Variants in FBXL13 observed in about 807,000 individuals in gnomAD.
The protein encoded by FBXL13 is F-box and leucine rich repeat protein 13, also known as F-box and leucine-rich repeat protein 13.
In FBXL13, 67 loss-of-function variants were observed where a neutral mutation model predicts 83.6. The observed-to-expected ratio is 0.80, with a 90% confidence interval of 0.66 to 0.98. The LOEUF is 0.98. FBXL13 is among the 50% of genes least tolerant of loss of function. The pLI, the probability that FBXL13 is intolerant of heterozygous loss-of-function variation, is 0.00. For missense variants in FBXL13, 822 were observed against 866.5 expected (o/e 0.95, Z 0.64); for synonymous variants, 272 against 299.5 (o/e 0.91, Z 0.95).
intron 6 of FBXL13, among the ~76,000 whole-genome samples, chr7:102,990,884 C>A (rs971143011): frequency 6.6e-6 from 1 of 152,204 alleles, no homozygotes; most frequent in Non-Finnish European, 1.5e-5. Context: ...ATGGAGAATG[C>A]AGCTGAGAGG....
chr7:102,946,740 T>G (rs946073300), intron 8 of FBXL13, among the ~76,000 whole-genome samples: 5 of 152,068 alleles, frequency 3.3e-5, no homozygotes, highest in Non-Finnish European at 7.4e-5. Context: ...AGTGTTGCAA[T>G]CTCGGCTCAC....
intron 19 of FBXL13, among the ~76,000 whole-genome samples, chr7:102,821,659 C>A (rs1383419337): frequency 6.6e-6 from 1 of 152,170 alleles, no homozygotes; most frequent in Non-Finnish European, 1.5e-5. Context: ...AAAATACTTG[C>A]ACATTTTTGC....
rs376600642 is a variant in FBXL13 at position 103,040,891 on chromosome 7, C to T, written c.1-11473G>A. On this transcript the variant is annotated intron_variant, in intron 2 of 19. Coordinates refer to ENST00000313221, the Ensembl canonical transcript of FBXL13. ...AGAGAAAGCAGGAAAGATCTAAAATCGACACCCTAAAATCACAATTAAAAG... is the reference window on the plus strand; with the variant it reads ...AGAGAAAGCAGGAAAGATCTAAAATTGACACCCTAAAATCACAATTAAAAG... 3.9e-5 allele frequency among the ~76,000 whole-genome samples: 6 copies of T among 151,994 alleles called. No homozygotes were observed. In the South Asian group the frequency reaches 6.3e-4, roughly 16 times the overall value.
intron 6 of FBXL13, among the ~76,000 whole-genome samples, chr7:103,016,232 G>A (rs145092800): frequency 0.014 from 2,155 of 151,202 alleles, 48 homozygotes; most frequent in African/African-American, 0.048. Context: ...GAACAATGCT[G>A]GAGACATCAC....
At chr7:103,034,281 C>T (rs980922983) in intron 2 of FBXL13, among the ~76,000 whole-genome samples, 3 of 152,170 alleles carry the variant, frequency 2.0e-5, no homozygotes, top group African/African-American at 4.8e-5. Context: ...GACTGCGCAC[C>T]GTGGAGCGGG....
At chr7:102,952,842 G>A (rs977894273) in intron 8 of FBXL13, among the ~76,000 whole-genome samples, 10 of 152,176 alleles carry the variant, frequency 6.6e-5, no homozygotes, top group African/African-American at 2.2e-4. Context: ...AAATTAGCTG[G>A]GTGTGGTGGC....
intron 17 of FBXL13, among the ~76,000 whole-genome samples, chr7:102,834,090 G>GGAAGGAAGGAAAGA (rs60060071): frequency 2.1e-4 from 15 of 70,484 alleles, no homozygotes; most frequent in South Asian, 1.5e-3. Flanking sequence ...GGAAAGAAAA[G>GGAAGGAAGGAAAGA]AAAGAAAGAA....
chr7:102,956,920 C>T (rs183500046), intron 8 of FBXL13, among the ~76,000 whole-genome samples: 43 of 152,070 alleles, frequency 2.8e-4, no homozygotes, highest in African/African-American at 8.7e-4. Context: ...CCATGCTCAT[C>T]GATAAGAACA....
exon 2 of FBXL13, chr7:103,055,650 A>G: frequency 1.6e-6 from 2 of 1,248,114 alleles, no homozygotes; most frequent in Non-Finnish European, 2.1e-6. Flanking sequence ...TTACCAAAGA[A>G]GATTCTGAAG....
exon 20 of FBXL13, chr7:102,813,418 T>C (rs1469594253): frequency 3.1e-6 from 5 of 1,614,080 alleles, no homozygotes. Flanking sequence ...TGATGTTATG[T>C]TGTCAAGCTC....
Position 102,947,713 on chromosome 7 carries a change from T to G in FBXL13, c.725-15780A>C, listed in dbSNP as rs184947666. Among the ~76,000 whole-genome samples the G allele has an allele frequency of 1.2e-3, 189 of 152,184 alleles. 3 individuals are homozygous for G. Among genetic ancestry groups the G allele is most frequent in the Admixed American group, 6.9e-3 (105 of 15,276 alleles). ...TTACAAAAATCAGTATATTTTACAG[T>G]AGTAAAAAATACTACTATCCTGAGA... On this transcript the variant is annotated intron_variant, in intron 8 of 19. Transcript: ENST00000313221.
intron 19 of FBXL13, among the ~76,000 whole-genome samples, chr7:102,813,996 G>C (rs1224097381): frequency 6.6e-6 from 1 of 152,076 alleles, no homozygotes; most frequent in Non-Finnish European, 1.5e-5. Flanking sequence ...CTCCCTGAAA[G>C]TTCATGCAGT....
downstream of FBXL13, among the ~76,000 whole-genome samples, chr7:102,812,987 C>T (rs537791257): frequency 6.6e-5 from 10 of 151,930 alleles, no homozygotes; most frequent in South Asian, 4.2e-4. Context: ...GGATTACAGG[C>T]GCCCACCACC....
chr7:102,979,788 G>C (rs1827960083), intron 6 of FBXL13, among the ~76,000 whole-genome samples: 1 of 151,924 alleles, frequency 6.6e-6, no homozygotes, highest in South Asian at 2.1e-4. Flanking sequence ...TAACTAAAAA[G>C]GTGAAAGACT....
At chr7:102,868,039 T>A (rs981719425) in intron 16 of FBXL13, among the ~76,000 whole-genome samples, 2 of 152,072 alleles carry the variant, frequency 1.3e-5, no homozygotes, top group Admixed American at 1.3e-4. Context: ...TGACACAAAG[T>A]AATTGTGCTT....
At position 102,907,362 on chromosome 7, in the gene FBXL13, C is replaced by T. The variant is rs144712074; in HGVS notation, c.1008+5724G>A. On this transcript the variant is annotated intron_variant, in intron 11 of 19. Coordinates refer to ENST00000313221, the Ensembl canonical transcript of FBXL13. ...TACTTTAAGTTCTAGGGTACATGTG[C>T]ACCATGTGCAGGTTTGTTACATATG... 3.7e-3 allele frequency among the ~76,000 whole-genome samples: 568 copies of T among 152,098 alleles called. 5 individuals are homozygous for T. Among genetic ancestry groups the T allele is most frequent in the African/African-American group, 0.014 (561 of 41,488 alleles).
At chr7:103,069,075 C>T (rs1798672707) in intron 1 of FBXL13, among the ~76,000 whole-genome samples, 2 of 150,108 alleles carry the variant, frequency 1.3e-5, no homozygotes, top group South Asian at 2.1e-4. Context: ...TGCCCGGCCG[C>T]CCCACCACCT....
At chr7:102,964,408 T>A (rs199543678) in intron 7 of FBXL13, among the ~76,000 whole-genome samples, 58,346 of 121,852 alleles carry the variant, frequency 0.48, 13,986 homozygotes, top group Middle Eastern at 0.58. Flanking sequence ...ATATATATTT[T>A]TTTTTTTTTT....
intron 11 of FBXL13, among the ~76,000 whole-genome samples, chr7:102,894,738 A>G (rs1812045958): frequency 6.6e-6 from 1 of 151,716 alleles, no homozygotes; most frequent in Admixed American, 6.6e-5. Flanking sequence ...CTTAAAAAAA[A>G]AAAAAAAGAG....
Sources: gnomAD v4.1 joint callset for allele counts (sites outside exome capture counted in the v4.1 genomes callset) on GRCh38, gnomAD v4.1.1 for gene constraint, MANE v1.5 for transcripts, NCBI Gene and HGNC (gene_info 2026-07-23, HGNC 2026-07-21) for gene names.